Variants in DLG5 observed in about 807,000 individuals in gnomAD.
The protein encoded by DLG5 is discs large MAGUK scaffold protein 5.
A neutral mutation model predicts 189.8 loss-of-function variants in DLG5; 48 were observed. That is an observed-to-expected ratio of 0.25 (90% CI 0.20 to 0.32). DLG5 has a LOEUF of 0.32. Among genes scored for constraint, DLG5 ranks in the 10% least tolerant of loss-of-function variants. The probability of loss-of-function intolerance (pLI) is 1.00; values close to 1 mark genes in which losing one functional copy is unlikely to be tolerated. For missense variants in DLG5, 2,160 were observed against 2,544.7 expected (o/e 0.85, Z 3.25); for synonymous variants, 1,016 against 1,054.1 (o/e 0.96, Z 0.70).
chr10:77,896,136 CTG>C (rs1441543475), intron 1 of DLG5, among the ~76,000 whole-genome samples: 2 of 99,364 alleles, frequency 2.0e-5, no homozygotes, highest in African/African-American at 8.4e-5. Flanking sequence ...CTCCAGGAGA[CTG>C]TGTCTCAAAA....
At chr10:77,848,886 A>AT (rs964052136) in intron 5 of DLG5, among the ~76,000 whole-genome samples, 1 of 152,088 alleles carries the variant, frequency 6.6e-6, no homozygotes, top group Non-Finnish European at 1.5e-5. Context: ...TTGGTTGAAG[A>AT]TTTTTTTTCT....
chr10:77,927,768 T>C (rs1245907829), upstream of DLG5: 1 of 152,248 alleles, frequency 6.6e-6, no homozygotes, highest in Non-Finnish European at 1.5e-5. Flanking sequence ...AGCCCAAGAA[T>C]GTCTTCTCTT....
At chr10:77,851,169 G>A (rs962993471) in intron 5 of DLG5, among the ~76,000 whole-genome samples, 2 of 152,178 alleles carry the variant, frequency 1.3e-5, no homozygotes, top group African/African-American at 2.4e-5. Flanking sequence ...GCTTTGTTTT[G>A]ACACAGCACC....
intron 13 of DLG5, among the ~76,000 whole-genome samples, chr10:77,825,150 C>A (rs141866702): frequency 1.3e-5 from 2 of 152,126 alleles, no homozygotes; most frequent in Non-Finnish European, 2.9e-5. Flanking sequence ...AACAGCCCAG[C>A]TCCAAAGGTC....
upstream of DLG5, chr10:77,927,091 C>CCCG (rs1221028785): frequency 1.1e-5 from 2 of 181,034 alleles, no homozygotes; most frequent in Non-Finnish European, 2.2e-5. Flanking sequence ...TGGCCACAGC[C>CCCG]CCGCCGCCGC....
intron 21 of DLG5, 69 bp downstream of exon 21, chr10:77,812,146 T>C (rs1841807836): frequency 2.5e-6 from 4 of 1,596,080 alleles, no homozygotes; most frequent in Admixed American, 3.3e-5. Flanking sequence ...TGCTGTTCCC[T>C]AGGAGGAGGA....
intron 1 of DLG5, among the ~76,000 whole-genome samples, chr10:77,878,530 C>T (rs979344351): frequency 6.6e-6 from 1 of 152,130 alleles, no homozygotes; most frequent in African/African-American, 2.4e-5. Context: ...GCAGCCTTCC[C>T]TTGACTTCTG....
At chr10:77,888,840 T>C (rs1845522291) in intron 1 of DLG5, among the ~76,000 whole-genome samples, 1 of 152,146 alleles carries the variant, frequency 6.6e-6, no homozygotes, top group Non-Finnish European at 1.5e-5. Flanking sequence ...TATATGTGGG[T>C]TGTGTGTGTG....
chr10:77,843,731 C>G (rs1438462971), intron 5 of DLG5, 25 bp from the exon 6 acceptor site: 1 of 1,613,374 alleles, frequency 6.2e-7, no homozygotes. Flanking sequence ...GTTTCACTTA[C>G]CAAGGGTCTG....
At chr10:77,881,510 G>A (rs1845281350) in intron 1 of DLG5, among the ~76,000 whole-genome samples, 1 of 152,158 alleles carries the variant, frequency 6.6e-6, no homozygotes, top group Non-Finnish European at 1.5e-5. Context: ...TCTAGTCCTG[G>A]CTTCAACCTC....
At position 77,806,893 on chromosome 10, in the gene DLG5, T is replaced by C; in HGVS notation, c.4832A>G (p.Glu1611Gly). Residue 1611 changes from glutamate (E) to glycine (G), a missense_variant, in exon 26 of 32, where the codon GAG becomes GGG. Glu to Gly is a moderately conservative substitution (Grantham distance 98). Transcript: ENST00000372391. ...LYDRLADVEQ[E>G]LSFKKDDILY... The stretch of plus-strand genomic sequence containing the variant: ...GATGTCGTCCTTCTTAAAGCTCAAC[T>C]CTTGCTCCACATCTGCCAGCCGGTC... 6.2e-7 allele frequency: 1 copy of C among 1,613,790 alleles called. No individual in the cohort carries two copies. Among genetic ancestry groups the C allele is most frequent in the African/African-American group, 1.3e-5 (1 of 75,002 alleles).
In DLG5 at chr10:77,925,438, C is replaced by G. The variant is rs112213408; in HGVS notation, c.304+779G>C. ...AAGCCTACCACTTGTCAGAAACTCC[C>G]GCCAGTATCCGTTCCTGCACCCAGA... On this transcript the variant is annotated intron_variant, in intron 1 of 31. Coordinates refer to ENST00000372391, the MANE Select transcript of DLG5 (RefSeq NM_004747.4). Among the ~76,000 whole-genome samples the G allele has an allele frequency of 1.3e-3, 203 of 152,278 alleles. 2 individuals are homozygous for G. Among genetic ancestry groups the G allele is most frequent in the African/African-American group, 4.3e-3 (178 of 41,574 alleles).
Position 77,830,855 on chromosome 10 carries a change from C to T in DLG5, c.1767G>A (p.Gln589=), listed in dbSNP as rs772571860. Residue 589 remains glutamine, a synonymous_variant, in exon 10 of 32, where the codon CAG becomes CAA. Transcript: ENST00000372391. ...GTCGGAACCGGGCCTCCTTTTCCAA[C>T]TGGGATTCCATCTGTTCCCTGTGAA... ...LKELKEQMES[Q]LEKEARFRQL... 1 of 1,614,128 alleles carries T rather than the reference C, an allele frequency of 6.2e-7. No individual in the cohort carries two copies. Among genetic ancestry groups the T allele is most frequent in the South Asian group, 1.1e-5 (1 of 91,062 alleles).
At chr10:77,911,684 T>A (rs1011246128) in intron 1 of DLG5, among the ~76,000 whole-genome samples, 12 of 151,924 alleles carry the variant, frequency 7.9e-5, no homozygotes, top group African/African-American at 2.9e-4. Flanking sequence ...TCTATAAAAA[T>A]CCTGTTGGCA....
intron 5 of DLG5, among the ~76,000 whole-genome samples, chr10:77,846,550 A>G (rs1843703375): frequency 6.6e-6 from 1 of 151,896 alleles, no homozygotes; most frequent in South Asian, 2.1e-4. Flanking sequence ...TACAAAAATT[A>G]GCCGGGTGTG....
chr10:77,806,738 C>CCCCCCCCCCCCCACAAAA lies in DLG5; in HGVS notation c.4967+19_4967+20insTTTTGTGGGGGGGGGGGG. The CCCCCCCCCCCCCACAAAA allele has an allele frequency of 6.4e-7, 1 of 1,574,708 alleles. No homozygotes were observed. Among genetic ancestry groups the CCCCCCCCCCCCCACAAAA allele is most frequent in the Non-Finnish European group, 8.7e-7 (1 of 1,147,896 alleles). ...CGGCGACCCCTGCCCCACCCCACCC[C>CCCCCCCCCCCCCACAAAA]AGGCCCGGAGAACACTTACACATAT... On this transcript the variant is annotated intron_variant, in intron 26 of 31. Transcript: ENST00000372391.
chr10:77,863,397 C>G (rs1027042142), intron 2 of DLG5, among the ~76,000 whole-genome samples: 3 of 152,138 alleles, frequency 2.0e-5, no homozygotes, highest in Non-Finnish European at 4.4e-5. Flanking sequence ...CCACACCTAG[C>G]CTATTTTTTT....
intron 9 of DLG5, among the ~76,000 whole-genome samples, chr10:77,831,867 T>C (rs555592496): frequency 6.6e-6 from 1 of 152,262 alleles, no homozygotes; most frequent in Non-Finnish European, 1.5e-5. Flanking sequence ...AGGATGAAGA[T>C]GTAGTTCTTA....
chr10:77,806,968 G>A, intron 25 of DLG5, 40 bp from the exon 26 acceptor site: 1 of 1,587,938 alleles, frequency 6.3e-7, no homozygotes, highest in South Asian at 1.1e-5. Flanking sequence ...AGGCGGCTCT[G>A]GCCACCAAGG....
Sources: allele counts gnomAD v4.1 joint callset (sites outside exome capture counted in the v4.1 genomes callset), GRCh38; gene constraint gnomAD v4.1.1; transcripts MANE v1.5; gene names NCBI Gene and HGNC (gene_info 2026-07-23, HGNC 2026-07-21).